The following PRKCE variants were observed in gnomAD, a reference collection of about 807,000 sequenced individuals.
PRKCE encodes the protein protein kinase C epsilon type.
In PRKCE, 16 loss-of-function variants were observed where a neutral mutation model predicts 85.4. That is an observed-to-expected ratio of 0.19 (90% CI 0.13 to 0.28). The LOEUF (loss-of-function observed/expected upper bound fraction) is 0.28. Among genes scored for constraint, PRKCE ranks in the 10% least tolerant of loss-of-function variants. The pLI is 1.00. For synonymous variants in PRKCE, 388 were observed against 371.5 expected, an observed-to-expected ratio of 1.04 and a Z score of -0.51; for missense variants, 573 against 975.2, an observed-to-expected ratio of 0.59 and a Z score of 5.49.
intron 2 of PRKCE, among the ~76,000 whole-genome samples, chr2:45,941,489 A>T (rs1026585689): frequency 1.3e-5 from 2 of 152,180 alleles, no homozygotes; most frequent in African/African-American, 4.8e-5. Flanking sequence ...GCACGGACGG[A>T]TGTTTATAAA....
chr2:45,868,788 A>G (rs1693835921), intron 2 of PRKCE, among the ~76,000 whole-genome samples: 1 of 150,188 alleles, frequency 6.7e-6, no homozygotes, highest in African/African-American at 2.4e-5. Context: ...AATACAAAAA[A>G]TAAAATAAAA....
In PRKCE at chr2:45,651,992, C is replaced by T. The variant is rs1429241818; in HGVS notation, c.-109C>T. ...GGTGTAGGGAGTGTGCGGGGTGGGG[C>T]GAAAGGGGACCCAAGAGTCCCTGTG... On this transcript the variant is annotated 5_prime_UTR_variant, in exon 1 of 15. Transcript: ENST00000306156. The T allele has an allele frequency of 2.3e-6, 2 of 865,768 alleles. No individual in the cohort carries two copies. The highest frequency in any genetic ancestry group is 3.6e-6 in the Non-Finnish European group (2 of 551,314). 53.6% of individuals were successfully genotyped at this position (865,768 alleles called of 1,614,324 possible). A position where few individuals can be genotyped will look rare whatever the true frequency, so the allele number is the denominator to read the frequency against.
intron 14 of PRKCE, among the ~76,000 whole-genome samples, chr2:46,176,643 TC>T (rs1337815851): frequency 6.6e-6 from 1 of 152,212 alleles, no homozygotes; most frequent in Non-Finnish European, 1.5e-5. Flanking sequence ...GTATCTTTAT[TC>T]CAGCAAAGCA....
intron 1 of PRKCE, among the ~76,000 whole-genome samples, chr2:45,813,958 G>A (rs1015327298): frequency 6.6e-6 from 1 of 152,178 alleles, no homozygotes; most frequent in African/African-American, 2.4e-5. Context: ...TCATAAGTGA[G>A]TATCATCAGT....
intron 2 of PRKCE, among the ~76,000 whole-genome samples, chr2:45,881,463 C>T (rs1694884892): frequency 6.6e-6 from 1 of 152,006 alleles, no homozygotes; most frequent in Non-Finnish European, 1.5e-5. Context: ...TATTTAAGTA[C>T]CCAAGTCAGA....
chr2:45,899,384 CTT>C (rs1028345493), intron 2 of PRKCE, among the ~76,000 whole-genome samples: 9 of 142,790 alleles, frequency 6.3e-5, no homozygotes, highest in Non-Finnish European at 3.1e-5. Flanking sequence ...AATTTTTTTT[CTT>C]TTTTTTTTTT....
At chr2:45,824,582 C>G (rs1316285840) in intron 1 of PRKCE, among the ~76,000 whole-genome samples, 3 of 152,074 alleles carry the variant, frequency 2.0e-5, no homozygotes, top group Admixed American at 2.0e-4. Flanking sequence ...CCCTCCCTCC[C>G]TCCGTCCCTC....
rs55767130 is a variant in PRKCE at position 46,007,564 on chromosome 2, C to G, written c.1166C>G (p.Pro389Arg). 2.4e-5 allele frequency: 39 copies of G among 1,599,776 alleles called. No homozygotes were observed. In the East Asian group the frequency reaches 5.3e-4, roughly 22 times the overall value. ...TCTCCTGATGGCCAGCTGATGAGCC[C>G]CGGTGAGAATGGCGAAGTCCGGCAA... ...ASSPDGQLMS[P>R]GENGEVRQGQ... The change falls in exon 9 of 15, where the codon CCC becomes CGC. Residue 389 changes from proline (P) to arginine (R), a missense_variant. By Grantham distance (103) the Pro-to-Arg change is moderately radical. This residue lies in a region of PRKCE where 117 missense variants were observed against 104.8 expected (regional missense o/e 1.12). Transcript: ENST00000306156.
intron 10 of PRKCE, among the ~76,000 whole-genome samples, chr2:46,044,217 T>TTGAATGAA (rs767527820): frequency 2.0e-5 from 3 of 152,196 alleles, no homozygotes; most frequent in Admixed American, 2.0e-4. Flanking sequence ...AGAATGTTTG[T>TTGAATGAA]TGAATGAATG....
chr2:45,984,809 T>G (rs1425895663), intron 6 of PRKCE, 129 bp downstream of exon 6: 11 of 1,282,068 alleles, frequency 8.6e-6, no homozygotes, highest in Non-Finnish European at 1.2e-5. Flanking sequence ...AAGCCTTTGT[T>G]AATCCTGCAT....
chr2:45,709,312 C>T (rs906159487), intron 1 of PRKCE, among the ~76,000 whole-genome samples: 1 of 152,244 alleles, frequency 6.6e-6, no homozygotes, highest in Non-Finnish European at 1.5e-5. Flanking sequence ...GCACTGGGTT[C>T]TCAGCCTTCC....
intron 1 of PRKCE, among the ~76,000 whole-genome samples, chr2:45,707,247 A>C (rs186588434): frequency 6.6e-6 from 1 of 152,230 alleles, no homozygotes; most frequent in African/African-American, 2.4e-5. Flanking sequence ...AGGCCTGTGC[A>C]TCAGTCCCCA....
At chr2:46,049,679 G>T (rs568128272) in intron 10 of PRKCE, among the ~76,000 whole-genome samples, 4 of 152,282 alleles carry the variant, frequency 2.6e-5, no homozygotes, top group East Asian at 3.9e-4. Context: ...CACCAGAGGG[G>T]CTTCCCTCTG....
At position 46,145,369 on chromosome 2, in the gene PRKCE, AAAGG is replaced by A. The variant is rs998433322; in HGVS notation, c.1731+141_1731+144del. On this transcript the variant is annotated intron_variant, in intron 12 of 14. Transcript: ENST00000306156. This position sits in a 1 kb window ranked among gnomAD's most constrained non-coding sequence, Gnocchi z 4.6. Reference sequence around the variant, plus strand: ...GGATGGATTCTAGGAAGGAGGGAGAAAAGGAAAGGAAAAAAGTTTGCTGATTGAT... The same window carrying A: ...GGATGGATTCTAGGAAGGAGGGAGAAAAAGGAAAAAAGTTTGCTGATTGAT... 1.2e-5 allele frequency: 15 copies of A among 1,219,478 alleles called. No homozygotes were observed. In the African/African-American group the frequency reaches 1.4e-4, roughly 11 times the overall value. The allele number at this position is 1,219,478 out of a possible 1,614,324, so 75.5% of individuals were successfully genotyped here.
intron 2 of PRKCE, among the ~76,000 whole-genome samples, chr2:45,932,235 A>G (rs1377603322): frequency 2.0e-5 from 3 of 152,200 alleles, no homozygotes. Flanking sequence ...TCTGAGATTC[A>G]TCCATGTTTT....
chr2:45,997,680 G>C (rs1704330444), intron 6 of PRKCE, among the ~76,000 whole-genome samples: 1 of 152,036 alleles, frequency 6.6e-6, no homozygotes, highest in Non-Finnish European at 1.5e-5. Context: ...CCAAATAGCT[G>C]GGATTGCAGG....
chr2:45,867,221 C>A (rs1157442835), intron 2 of PRKCE, among the ~76,000 whole-genome samples: 1 of 152,212 alleles, frequency 6.6e-6, no homozygotes, highest in African/African-American at 2.4e-5. Context: ...GCACCAAATG[C>A]ACCTAAGAGG....
At chr2:46,063,257 C>G (rs1170472755) in intron 10 of PRKCE, among the ~76,000 whole-genome samples, 1 of 150,996 alleles carries the variant, frequency 6.6e-6, no homozygotes, top group Non-Finnish European at 1.5e-5. Flanking sequence ...GCTTAGATAG[C>G]TAGGTGATAT....
intron 2 of PRKCE, among the ~76,000 whole-genome samples, chr2:45,869,989 A>G (rs1334464710): frequency 2.0e-5 from 3 of 152,042 alleles, no homozygotes; most frequent in African/African-American, 7.2e-5. Context: ...TACAGGCAAG[A>G]GCCACTGCGC....
Sources: gnomAD v4.1 joint callset for allele counts (sites outside exome capture counted in the v4.1 genomes callset) on GRCh38, gnomAD v4.1.1 for gene constraint, gnomAD v4.1.1 regional missense constraint, Gnocchi (gnomAD v3.1) non-coding constraint, MANE v1.5 for transcripts, NCBI Gene and HGNC (gene_info 2026-07-23, HGNC 2026-07-21) for gene names.